GLB1: variants seen among roughly 807,000 people sequenced by gnomAD.
GLB1 encodes galactosidase beta 1.
GLB1 carries 56 observed loss-of-function variants against 74.0 expected under a neutral mutation model. That is an observed-to-expected ratio of 0.76 (90% confidence interval 0.61 to 0.94). The LOEUF is 0.94. Among genes scored for constraint, GLB1 ranks in the 40% least tolerant of loss-of-function variants. The pLI is 0.00. For missense variants in GLB1, 787 were observed against 845.5 expected (o/e 0.93, Z 0.86); for synonymous variants, 323 against 323.6 (o/e 1.00, Z 0.02).
the GLB1 span, among the ~76,000 whole-genome samples, chr3:32,987,078 C>T: frequency 3.6e-4 from 55 of 152,298 alleles, no homozygotes; most frequent in African/African-American, 1.1e-3. Context: ...CAGATGCCCT[C>T]TTCTCTTTTT....
chr3:33,006,489 G>T (rs1696797172), intron 15 of GLB1, among the ~76,000 whole-genome samples: 1 of 151,916 alleles, frequency 6.6e-6, no homozygotes, highest in African/African-American at 2.4e-5. Context: ...ATACCAACAA[G>T]GTTGGGGACC....
chr3:33,020,082 A>C (rs531018755), intron 12 of GLB1, among the ~76,000 whole-genome samples: 5 of 152,164 alleles, frequency 3.3e-5, no homozygotes, highest in Non-Finnish European at 7.4e-5. Flanking sequence ...TCATTGTCTG[A>C]AGTGCTCAAC....
At chr3:33,034,919 C>T (rs1220388317) in intron 10 of GLB1, 1 of 318,284 alleles carries the variant, frequency 3.1e-6, no homozygotes, top group Non-Finnish European at 6.4e-6. Flanking sequence ...TGAAAGCATT[C>T]ATGTTATGAG....
the GLB1 span, among the ~76,000 whole-genome samples, chr3:32,979,723 GTGCCTGTTGTCCCTGCTACT>G: frequency 6.6e-6 from 1 of 151,728 alleles, no homozygotes. Context: ...ATGGTGGCAT[GTGCCTGTTGTCCCTGCTACT>G]TAGGAGGCTG....
At chr3:33,009,818 T>C (rs1382134628) in intron 15 of GLB1, among the ~76,000 whole-genome samples, 1 of 152,244 alleles carries the variant, frequency 6.6e-6, no homozygotes, top group African/African-American at 2.4e-5. Flanking sequence ...ACTATCTCTA[T>C]GGATTTGCCT....
chr3:33,083,767 T>C (rs1700409527), intron 1 of GLB1, among the ~76,000 whole-genome samples: 1 of 149,834 alleles, frequency 6.7e-6, no homozygotes, highest in Non-Finnish European at 1.5e-5. Flanking sequence ...ATCAGGAACC[T>C]AATACTGGCC....
intron 1 of GLB1, chr3:33,077,174 G>A (rs1331354423): frequency 1.4e-6 from 2 of 1,465,180 alleles, no homozygotes. Flanking sequence ...CCTCTTTTGT[G>A]AAGCGGCAGC....
chr3:33,032,078 G>A (rs1026511508), intron 10 of GLB1, among the ~76,000 whole-genome samples: 12 of 151,972 alleles, frequency 7.9e-5, no homozygotes, highest in Admixed American at 5.2e-4. Flanking sequence ...GATTACACAC[G>A]TGAGCCACTG....
chr3:32,990,799 C>G, the GLB1 span, among the ~76,000 whole-genome samples: 2 of 152,194 alleles, frequency 1.3e-5, no homozygotes, highest in South Asian at 4.2e-4. Context: ...CGGTGAAACC[C>G]CGTCTCTACT....
chr3:33,021,730 T>C, intron 11 of GLB1, 75 bp from the exon 12 acceptor site: 1 of 1,526,740 alleles, frequency 6.5e-7, no homozygotes, highest in South Asian at 1.2e-5. Flanking sequence ...ATTCCCTAAT[T>C]ATCAAAGACA....
Position 33,046,186 on chromosome 3 carries a change from A to G in GLB1, c.1002T>C (p.Asp334=). The G allele has an allele frequency of 6.2e-7, 1 of 1,614,050 alleles. No homozygotes were observed. Among genetic ancestry groups the G allele is most frequent in the Non-Finnish European group, 8.5e-7 (1 of 1,180,002 alleles). Residue 334 remains aspartate, a synonymous_variant, in exon 10 of 16, where the codon GAT becomes GAC. Coordinates refer to ENST00000307363, the MANE Select transcript of GLB1 (RefSeq NM_000404.4). ...GGTCCCCAGCCTCACTCAGTGGGGC[A>G]TCATAGTCGTAGCTGGTGGGCTGTG... ...YAAQPTSYDY[D]APLSEAGDLT... is the part of the protein sequence containing the mutation.
intron 6 of GLB1, among the ~76,000 whole-genome samples, 167 bp from the exon 7 acceptor site, chr3:33,053,716 C>T (rs762822183): frequency 9.8e-5 from 15 of 152,316 alleles, no homozygotes; most frequent in Non-Finnish European, 1.5e-4. Context: ...ATAGTATTAA[C>T]AGGTGAGGCC....
At chr3:32,998,508 GTC>G (rs1696411341) in intron 15 of GLB1, among the ~76,000 whole-genome samples, 1 of 144,786 alleles carries the variant, frequency 6.9e-6, no homozygotes. Context: ...GCAAGACTCC[GTC>G]TCAAAAAAAA....
At chr3:33,086,654 A>G (rs1387543380) in intron 1 of GLB1, among the ~76,000 whole-genome samples, 1 of 152,220 alleles carries the variant, frequency 6.6e-6, no homozygotes, top group African/African-American at 2.4e-5. Flanking sequence ...TCTAGCTCTA[A>G]CCTTTAGAGA....
chr3:33,086,712 C>T (rs1487949733), intron 1 of GLB1, among the ~76,000 whole-genome samples: 1 of 151,830 alleles, frequency 6.6e-6, no homozygotes, highest in Non-Finnish European at 1.5e-5. Flanking sequence ...TTAAATGACA[C>T]CAAAATCTAA....
At chr3:33,031,382 A>C (rs1364118480) in intron 10 of GLB1, among the ~76,000 whole-genome samples, 1 of 151,736 alleles carries the variant, frequency 6.6e-6, no homozygotes, top group Non-Finnish European at 1.5e-5. Context: ...GGTGGCTTAC[A>C]CCTGTAATCC....
the GLB1 span, among the ~76,000 whole-genome samples, chr3:32,980,441 A>G: frequency 6.6e-6 from 1 of 152,240 alleles, no homozygotes; most frequent in South Asian, 2.1e-4. Flanking sequence ...CCCTCTAAAT[A>G]TAGTGTTAGC....
At position 33,093,607 on chromosome 3, in the gene GLB1, T is replaced by C. The variant is rs1449115194; in HGVS notation, c.75+3404A>G. ...TTCATTGAGGCAGGCAGCTGATGGATGGGCACCTCCACAGTTTTCACAGCC... is the reference window on the plus strand; with the variant it reads ...TTCATTGAGGCAGGCAGCTGATGGACGGGCACCTCCACAGTTTTCACAGCC... On this transcript the variant is annotated intron_variant, in intron 1 of 15. Transcript: ENST00000307363. The surrounding 1 kb of genome is among the most constrained non-coding windows in gnomAD (Gnocchi z 6.0). 1.9e-6 allele frequency: 3 copies of C among 1,614,132 alleles called. No individual in the cohort carries two copies. Among genetic ancestry groups the C allele is most frequent in the Non-Finnish European group, 8.5e-7 (1 of 1,180,008 alleles).
At chr3:33,034,692 A>G (rs1199163521) in intron 10 of GLB1, 1 of 726,420 alleles carries the variant, frequency 1.4e-6, no homozygotes, top group Non-Finnish European at 2.6e-6. Context: ...GGTGGAGACA[A>G]TAAGGTGACC....
Sources: gnomAD v4.1 joint callset for allele counts (sites outside exome capture counted in the v4.1 genomes callset) on GRCh38, gnomAD v4.1.1 for gene constraint, Gnocchi (gnomAD v3.1) non-coding constraint, MANE v1.5 for transcripts, NCBI Gene and HGNC (gene_info 2026-07-23, HGNC 2026-07-21) for gene names.